Variants in MCRIP2 observed in about 807,000 individuals in gnomAD.
MCRIP2 encodes MAPK regulated co-repressor interacting protein 2.
MCRIP2 carries 21 observed loss-of-function variants against 23.2 expected under a neutral mutation model. That is an observed-to-expected ratio of 0.90 (90% CI 0.64 to 1.30). MCRIP2 has a LOEUF of 1.30. Ranked by LOEUF, MCRIP2 falls within the 50% of genes most tolerant of loss-of-function variation. MCRIP2 has a pLI of 0.00. For synonymous variants in MCRIP2, 121 were observed against 100.2 expected (o/e 1.21, Z -1.24); for missense variants, 234 against 223.2 (o/e 1.05, Z -0.31).
In MCRIP2 at chr16:642,075, C is replaced by G; in HGVS notation, c.52+32C>G. ...ACGGGCCGGGGAACGGGAACGGGGA[C>G]GGGGCGGGGCGCGGCGGCGGCTGAC... On this transcript the variant is annotated intron_variant, in intron 1 of 4. Transcript: ENST00000307650. The G allele has an allele frequency of 3.0e-6, 4 of 1,316,050 alleles. No individual in the cohort carries two copies. In the South Asian group the frequency reaches 8.3e-5, roughly 27 times the overall value. The allele number at this position is 1,316,050 out of a possible 1,614,324, so 81.5% of individuals were successfully genotyped here.
At chr16:644,204 C>T (rs1294995582) in intron 2 of MCRIP2, among the ~76,000 whole-genome samples, 1 of 152,226 alleles carries the variant, frequency 6.6e-6, no homozygotes, top group East Asian at 1.9e-4. Flanking sequence ...GCCTCAGCCT[C>T]CCGAATAGCT....
At chr16:643,540 C>CTTT (rs869168510) in intron 2 of MCRIP2, among the ~76,000 whole-genome samples, 42 of 119,396 alleles carry the variant, frequency 3.5e-4, no homozygotes, top group African/African-American at 1.1e-3. Context: ...GCTGTTGTCT[C>CTTT]TTTTTTTTTT....
Position 642,006 on chromosome 16 carries a change from C to T in MCRIP2, c.15C>T (p.Thr5=), listed in dbSNP as rs2037352543. The change falls in exon 1 of 5, where the codon ACC becomes ACT. Residue 5 remains threonine, a synonymous_variant. Transcript: ENST00000307650. The stretch of plus-strand genomic sequence containing the variant: ...AGCGGCGCGTCATGTACACCATCAC[C>T]AAGGGGCCCAGCAAGCTGGTCGCGC... MYTI[T]KGPSKLVAQR... 2 of 1,330,788 alleles carry T rather than the reference C, an allele frequency of 1.5e-6. No individual in the cohort carries two copies. Among genetic ancestry groups the T allele is most frequent in the South Asian group, 1.9e-5 (1 of 52,070 alleles). The allele number at this position is 1,330,788 out of a possible 1,614,324, so 82.4% of individuals were successfully genotyped here.
intron 2 of MCRIP2, among the ~76,000 whole-genome samples, chr16:643,821 C>T (rs921847430): frequency 1.3e-5 from 2 of 152,138 alleles, no homozygotes; most frequent in African/African-American, 4.8e-5. Flanking sequence ...TGTGAGCTAC[C>T]GCGCCCGGCC....
Position 642,001 on chromosome 16 carries a change from A to G in MCRIP2, c.10A>G (p.Ile4Val). MYT[I>V]TKGPSKLVAQ... is the part of the protein sequence containing the mutation. ...GTGGGAGCGGCGCGTCATGTACACCATCACCAAGGGGCCCAGCAAGCTGGT... is the reference window on the plus strand; with the variant it reads ...GTGGGAGCGGCGCGTCATGTACACCGTCACCAAGGGGCCCAGCAAGCTGGT... The change falls in exon 1 of 5, where the codon ATC becomes GTC. Residue 4 changes from isoleucine to valine, a missense_variant. Transcript: ENST00000307650. 7.5e-7 allele frequency: 1 copy of G among 1,329,586 alleles called. No homozygotes were observed. Among genetic ancestry groups the G allele is most frequent in the Non-Finnish European group, 9.6e-7 (1 of 1,042,044 alleles). 82.4% of individuals were successfully genotyped at this position (1,329,586 alleles called of 1,614,324 possible). A position where few individuals can be genotyped will look rare whatever the true frequency, so the allele number is the denominator to read the frequency against.
intron 2 of MCRIP2, chr16:645,271 T>G (rs972861365): frequency 2.6e-5 from 4 of 151,724 alleles, no homozygotes; most frequent in African/African-American, 7.3e-5. Context: ...CTTTGTTTGT[T>G]TTTGAGACAG....
chr16:647,386 C>G, intron 2 of MCRIP2, 31 bp from the exon 3 acceptor site: 1 of 1,610,214 alleles, frequency 6.2e-7, no homozygotes, highest in Non-Finnish European at 8.5e-7. Flanking sequence ...GGGATGGGCA[C>G]CAACCATGTC....
rs571089180 is a variant in MCRIP2, at chr16:647,922, C to T, written c.412+38C>T. 1.8e-3 allele frequency: 2,358 copies of T among 1,341,962 alleles called. 3 individuals carry two copies. Among genetic ancestry groups the T allele is most frequent in the Non-Finnish European group, 2.2e-3 (2,126 of 969,730 alleles). The allele number at this position is 1,341,962 out of a possible 1,614,324, so 83.1% of individuals were successfully genotyped here. A position where few individuals can be genotyped will look rare whatever the true frequency, so the allele number is the denominator to read the frequency against. ...ACCCTGTCCCCCCAGGAGAGACCCC[C>T]CAGCCCCTCTGATCCTGACCCAGGC... On this transcript the variant is annotated intron_variant, in intron 4 of 4. Coordinates refer to ENST00000307650, the MANE Select transcript of MCRIP2 (RefSeq NM_138418.4).
chr16:646,972 A>ATC lies in MCRIP2; in HGVS notation c.183-445_183-444insTC. 5.8e-6 allele frequency: 1 copy of ATC among 171,782 alleles called. No individual in the cohort carries two copies. Among genetic ancestry groups the ATC allele is most frequent in the Non-Finnish European group, 1.2e-5 (1 of 80,102 alleles). The allele number at this position is 171,782 out of a possible 1,614,324, so 10.6% of individuals were successfully genotyped here. A position where few individuals can be genotyped will look rare whatever the true frequency, so the allele number is the denominator to read the frequency against. On this transcript the variant is annotated intron_variant, in intron 2 of 4. Coordinates refer to ENST00000307650, the MANE Select transcript of MCRIP2 (RefSeq NM_138418.4). This position sits in a 1 kb window ranked among gnomAD's most constrained non-coding sequence, Gnocchi z 6.5. ...GATGGAGGTGCTTCTGTGGGGCGAG[A>ATC]ATGTGGCCTAGAACTACACCCAGAG... is the stretch of plus-strand genomic sequence containing the variant.
intron 2 of MCRIP2, among the ~76,000 whole-genome samples, chr16:643,803 A>T (rs1253430880): frequency 6.6e-6 from 1 of 152,074 alleles, no homozygotes. Context: ...AAGTGCTGGG[A>T]TTACAAGTGT....
rs1338024584 is a variant in MCRIP2 at position 642,310 on chromosome 16, T to C, written c.182+61T>C. The C allele has an allele frequency of 4.4e-6, 5 of 1,134,096 alleles. No homozygotes were observed. The East Asian group carries it at 1.8e-4, about 42-fold the overall frequency. 70.3% of individuals were successfully genotyped at this position (1,134,096 alleles called of 1,614,324 possible). A position where few individuals can be genotyped will look rare whatever the true frequency, so the allele number is the denominator to read the frequency against. On this transcript the variant is annotated intron_variant, in intron 2 of 4. Coordinates refer to ENST00000307650, the MANE Select transcript of MCRIP2 (RefSeq NM_138418.4). ...GCTTCCCCTCCCCCGCCGGCCGCCC[T>C]AGAGCGGAGGGTGACCTTGGGGAAA... is the stretch of plus-strand genomic sequence containing the variant.
chr16:641,972 C>A lies in MCRIP2; in HGVS notation c.-20C>A. 8.4e-6 allele frequency: 11 copies of A among 1,308,962 alleles called. No homozygotes were observed. Among genetic ancestry groups the A allele is most frequent in the Non-Finnish European group, 9.7e-6 (10 of 1,030,586 alleles). 81.1% of individuals were successfully genotyped at this position (1,308,962 alleles called of 1,614,324 possible). A position where few individuals can be genotyped will look rare whatever the true frequency, so the allele number is the denominator to read the frequency against. ...GCCGGATCTGGCCGGGGGCCGGCGG[C>A]GGTGTGGGAGCGGCGCGTCATGTAC... On this transcript the variant is annotated 5_prime_UTR_variant, in exon 1 of 5. Coordinates refer to ENST00000307650, the MANE Select transcript of MCRIP2 (RefSeq NM_138418.4).
rs2037491457 is a variant in MCRIP2 at position 646,707 on chromosome 16, G to A, written c.183-710G>A. 1 of 152,226 alleles carries A rather than the reference G, an allele frequency of 6.6e-6. No homozygotes were observed. The highest frequency in any genetic ancestry group is 2.4e-5 in the African/African-American group (1 of 41,422). The allele number at this position is 152,226 out of a possible 1,614,324, so 9.4% of individuals were successfully genotyped here. A position where few individuals can be genotyped will look rare whatever the true frequency, so the allele number is the denominator to read the frequency against. Reference sequence around the variant, plus strand: ...TCCCTGCCCTGGGCCCGGCTGGCCGGGACGGGCCCAGGGGCCCACCAGACG... The same window carrying A: ...TCCCTGCCCTGGGCCCGGCTGGCCGAGACGGGCCCAGGGGCCCACCAGACG... On this transcript the variant is annotated intron_variant, in intron 2 of 4. Transcript: ENST00000307650. The surrounding 1 kb of genome is among the most constrained non-coding windows in gnomAD (Gnocchi z 6.5).
intron 2 of MCRIP2, chr16:642,539 A>G (rs1321585033): frequency 5.4e-6 from 1 of 183,624 alleles, no homozygotes; most frequent in Non-Finnish European, 1.1e-5. Context: ...GCTTCGGGCG[A>G]CCTTGGGTTG....
chr16:647,286 C>T (rs1056808155), intron 2 of MCRIP2, 131 bp from the exon 3 acceptor site: 2 of 1,349,358 alleles, frequency 1.5e-6, no homozygotes, highest in East Asian at 2.4e-5. Context: ...GCTGCTCTCT[C>T]TGGTTCAGGA....
rs2037559107 is a variant in MCRIP2 at position 648,280 on chromosome 16, G to C, written c.*90G>C. On this transcript the variant is annotated 3_prime_UTR_variant, in exon 5 of 5. Coordinates refer to ENST00000307650, the MANE Select transcript of MCRIP2 (RefSeq NM_138418.4). ...GCCCACCCACTGCGCCTGGCTGGGT[G>C]CCGGCCACACCTGAAGTGCCAGCAT... is the stretch of plus-strand genomic sequence containing the variant. 7.7e-7 allele frequency: 1 copy of C among 1,291,768 alleles called. No homozygotes were observed. Among genetic ancestry groups the C allele is most frequent in the Middle Eastern group, 1.9e-4 (1 of 5,254 alleles). The allele number at this position is 1,291,768 out of a possible 1,614,324, so 80.0% of individuals were successfully genotyped here.
intron 2 of MCRIP2, chr16:647,076 A>T (rs896035012): frequency 1.9e-5 from 6 of 313,914 alleles, no homozygotes; most frequent in Non-Finnish European, 3.6e-5. Context: ...GATGGGATGC[A>T]GGTGGCAGCA....
rs1235630985 is a variant in MCRIP2, at chr16:647,844, T to C, written c.372T>C (p.Pro124=). 1.3e-6 allele frequency: 2 copies of C among 1,576,622 alleles called. No individual in the cohort carries two copies. Among genetic ancestry groups the C allele is most frequent in the African/African-American group, 2.7e-5 (2 of 74,200 alleles). Residue 124 remains proline (P), a synonymous_variant, in exon 4 of 5, where the codon CCT becomes CCC. Coordinates refer to ENST00000307650, the MANE Select transcript of MCRIP2 (RefSeq NM_138418.4). Reference sequence around the variant, plus strand: ...CAGCCGGTGAGGGCGGGCCAAGGCCTGTGCAGTACGTGGAGAGGACCCCCA... The same window carrying C: ...CAGCCGGTGAGGGCGGGCCAAGGCCCGTGCAGTACGTGGAGAGGACCCCCA... ...GGPAGEGGPR[P]VQYVERTPNP...
intron 1 of MCRIP2, 37 bp downstream of exon 1, chr16:642,080 C>T: frequency 7.6e-7 from 1 of 1,317,968 alleles, no homozygotes. Context: ...GGGGACGGGG[C>T]GGGGCGCGGC....
Sources: gnomAD v4.1 joint callset for allele counts (sites outside exome capture counted in the v4.1 genomes callset) on GRCh38, gnomAD v4.1.1 for gene constraint, Gnocchi (gnomAD v3.1) non-coding constraint, MANE v1.5 for transcripts, NCBI Gene and HGNC (gene_info 2026-07-23, HGNC 2026-07-21) for gene names.